The following EIF2AK2 variants were observed in gnomAD, a reference collection of about 807,000 sequenced individuals.
EIF2AK2 encodes the protein interferon-induced, double-stranded RNA-activated protein kinase.
A neutral mutation model predicts 70.5 loss-of-function variants in EIF2AK2; 40 were observed. The ratio of observed to expected loss-of-function variants is 0.57; its 90% CI spans 0.44 to 0.74. The LOEUF is 0.74. EIF2AK2 is among the 30% of genes least tolerant of loss of function. EIF2AK2 has a pLI of 0.00. For synonymous variants in EIF2AK2, 198 were observed against 220.9 expected (o/e 0.90, Z 0.92); for missense variants, 555 against 644.3 (o/e 0.86, Z 1.50).
chr2:37,111,921 ATCTC>A (rs71396206), intron 14 of EIF2AK2, among the ~76,000 whole-genome samples: 14 of 107,812 alleles, frequency 1.3e-4, no homozygotes, highest in South Asian at 6.0e-4. Flanking sequence ...ATCATAATAA[ATCTC>A]TCTCTCTCTC....
intron 3 of EIF2AK2, among the ~76,000 whole-genome samples, chr2:37,147,303 TTTC>T (rs1675581482): frequency 6.6e-6 from 1 of 151,048 alleles, no homozygotes; most frequent in Non-Finnish European, 1.5e-5. Context: ...TCATATCTTT[TTTC>T]TTTTTTTTTT....
chr2:37,127,935 T>C (rs1345285384), intron 10 of EIF2AK2, among the ~76,000 whole-genome samples: 1 of 152,038 alleles, frequency 6.6e-6, no homozygotes, highest in Non-Finnish European at 1.5e-5. Flanking sequence ...ACAGATGGGG[T>C]TTCACCATGT....
Position 37,139,513 on chromosome 2 carries a change from G to C in EIF2AK2, c.516+118C>G, listed in dbSNP as rs1022751215. 4.3e-6 allele frequency: 6 copies of C among 1,393,254 alleles called. No homozygotes were observed. The Admixed American group carries it at 1.2e-4, about 29-fold the overall frequency. 86.3% of individuals were successfully genotyped at this position (1,393,254 alleles called of 1,614,324 possible). The stretch of plus-strand genomic sequence containing the variant: ...TGGCTCATCGGTACGACACAGAATG[G>C]AGGAATCATTTTGCTAAATCACTGG... On this transcript the variant is annotated intron_variant, in intron 6 of 16. Coordinates refer to ENST00000233057, the MANE Select transcript of EIF2AK2 (RefSeq NM_001135651.3).
intron 5 of EIF2AK2, 54 bp from the exon 6 acceptor site, chr2:37,139,811 A>T (rs1168337565): frequency 9.7e-6 from 15 of 1,545,588 alleles, no homozygotes; most frequent in Admixed American, 2.1e-5. Flanking sequence ...TAGCAAATCC[A>T]ACTTAGGATT....
At chr2:37,127,621 A>T (rs754942424) in intron 10 of EIF2AK2, among the ~76,000 whole-genome samples, 1 of 149,706 alleles carries the variant, frequency 6.7e-6, no homozygotes, top group Non-Finnish European at 1.5e-5. Context: ...CTCTGTGCCC[A>T]CTCATCCATC....
At chr2:37,133,111 G>A (rs1428567498) in intron 10 of EIF2AK2, among the ~76,000 whole-genome samples, 2 of 152,006 alleles carry the variant, frequency 1.3e-5, no homozygotes, top group Non-Finnish European at 2.9e-5. Context: ...CAGTCTTCAG[G>A]AAAGGTTGAA....
chr2:37,117,298 G>A (rs1428433955), intron 13 of EIF2AK2, among the ~76,000 whole-genome samples: 1 of 152,098 alleles, frequency 6.6e-6, no homozygotes, highest in East Asian at 1.9e-4. Flanking sequence ...AACACTTTGG[G>A]AAGCCAAGGT....
At position 37,104,699 on chromosome 2, in the gene EIF2AK2, T is replaced by G. The variant is rs536778345; in HGVS notation, c.*2574A>C. 14 of 141,954 alleles carry G rather than the reference T, an allele frequency of 9.9e-5. No individual in the cohort carries two copies. The highest frequency in any genetic ancestry group is 3.1e-5 in the Non-Finnish European group (2 of 64,576). The allele number at this position is 141,954 out of a possible 1,614,324, so 8.8% of individuals were successfully genotyped here. ...CATTGTATCTTACAAGTCTCTCCCCTTTTTTTTTTTTTCATGACACTGACT... is the reference window on the plus strand; with the variant it reads ...CATTGTATCTTACAAGTCTCTCCCCGTTTTTTTTTTTTCATGACACTGACT... On this transcript the variant is annotated 3_prime_UTR_variant, in exon 17 of 17. Coordinates refer to ENST00000233057, the MANE Select transcript of EIF2AK2 (RefSeq NM_001135651.3).
chr2:37,154,509 C>T (rs1053786593), intron 1 of EIF2AK2, among the ~76,000 whole-genome samples: 7 of 151,976 alleles, frequency 4.6e-5, no homozygotes, highest in Non-Finnish European at 8.8e-5. Flanking sequence ...GTTGCGCATC[C>T]TCTTCGCCCT....
rs79921828 is a variant in EIF2AK2, at chr2:37,140,124, C to T, written c.390-367G>A. 2.6e-3 allele frequency among the ~76,000 whole-genome samples: 398 copies of T among 151,936 alleles called. 2 individuals carry two copies. Among genetic ancestry groups the T allele is most frequent in the African/African-American group, 9.1e-3 (375 of 41,416 alleles). ...TCCAGTGAATTTTTTCAGAGGTGCT[C>T]AAATGGGAAGGAAAAAGCCAGCAGA... On this transcript the variant is annotated intron_variant, in intron 5 of 16. Coordinates refer to ENST00000233057, the MANE Select transcript of EIF2AK2 (RefSeq NM_001135651.3).
chr2:37,128,553 T>G (rs1002894482), intron 10 of EIF2AK2, among the ~76,000 whole-genome samples: 2 of 152,216 alleles, frequency 1.3e-5, no homozygotes, highest in Non-Finnish European at 2.9e-5. Context: ...GATAGTGCAA[T>G]GTCAATTAAA....
At chr2:37,114,939 C>T in intron 13 of EIF2AK2, 80 bp from the exon 14 acceptor site, 1 of 976,024 alleles carries the variant, frequency 1.0e-6, no homozygotes. Flanking sequence ...ACAGAAAAGA[C>T]TATTTTTATA....
chr2:37,147,886 A>AT, intron 2 of EIF2AK2, 64 bp from the exon 3 acceptor site: 1 of 1,207,276 alleles, frequency 8.3e-7, no homozygotes, highest in South Asian at 1.3e-5. Context: ...GAGTTTCCCA[A>AT]TGCAGTTTAG....
intron 10 of EIF2AK2, among the ~76,000 whole-genome samples, chr2:37,131,481 C>T (rs1316022894): frequency 3.3e-5 from 5 of 152,134 alleles, no homozygotes; most frequent in African/African-American, 1.2e-4. Flanking sequence ...ATAAGATATG[C>T]TCAGCCATAA....
chr2:37,136,571 A>G (rs1675133789), intron 9 of EIF2AK2, among the ~76,000 whole-genome samples: 1 of 152,222 alleles, frequency 6.6e-6, no homozygotes, highest in Non-Finnish European at 1.5e-5. Context: ...ATTTCTGACT[A>G]TATTTACATC....
chr2:37,115,420 T>C (rs556971972), intron 13 of EIF2AK2, among the ~76,000 whole-genome samples: 1 of 151,978 alleles, frequency 6.6e-6, no homozygotes, highest in South Asian at 2.1e-4. Flanking sequence ...TGCCCTCGAA[T>C]ATCTGAAAAG....
intron 14 of EIF2AK2, among the ~76,000 whole-genome samples, chr2:37,109,932 C>CT (rs1289197276): frequency 6.6e-6 from 1 of 152,128 alleles, no homozygotes; most frequent in Non-Finnish European, 1.5e-5. Flanking sequence ...GAGGCACTGA[C>CT]TGGAAAGGAG....
intron 10 of EIF2AK2, among the ~76,000 whole-genome samples, chr2:37,134,482 C>T (rs1333805833): frequency 3.3e-5 from 5 of 152,196 alleles, no homozygotes; most frequent in African/African-American, 1.2e-4. Context: ...GCAACCTGTT[C>T]GTTTTGCAGC....
chr2:37,134,895 C>T (rs1411472810), intron 10 of EIF2AK2, among the ~76,000 whole-genome samples: 3 of 152,152 alleles, frequency 2.0e-5, no homozygotes, highest in Admixed American at 6.5e-5. Flanking sequence ...CCATCCAATA[C>T]GTTAGGAAGA....
Sources: allele counts gnomAD v4.1 joint callset (sites outside exome capture counted in the v4.1 genomes callset), GRCh38; gene constraint gnomAD v4.1.1; transcripts MANE v1.5; gene names NCBI Gene and HGNC (gene_info 2026-07-23, HGNC 2026-07-21).